The following PCNX2 variants were observed in gnomAD, a reference collection of about 807,000 sequenced individuals.
PCNX2 encodes pecanex-like protein 2.
Under a neutral mutation model 223.8 loss-of-function variants are expected in PCNX2, and 168 were observed. That is an observed-to-expected ratio of 0.75 (90% CI 0.66 to 0.85). PCNX2 has a LOEUF of 0.85. Ranked by LOEUF, PCNX2 falls within the 40% of genes least tolerant of loss-of-function variation. The pLI is 0.00. For synonymous variants in PCNX2, 1,006 were observed against 1,052.6 expected, an observed-to-expected ratio of 0.96 and a Z score of 0.86; for missense variants, 2,507 against 2,675.5, an observed-to-expected ratio of 0.94 and a Z score of 1.39.
chr1:233,303,895 T>C, the PCNX2 span, among the ~76,000 whole-genome samples: 1 of 152,246 alleles, frequency 6.6e-6, no homozygotes. Context: ...TTGTTTCTTA[T>C]AAGCAGCATA....
intron 25 of PCNX2, among the ~76,000 whole-genome samples, chr1:233,033,494 C>A (rs935084984): frequency 2.6e-5 from 4 of 152,156 alleles, no homozygotes; most frequent in Non-Finnish European, 5.9e-5. Context: ...CAAAAACAAA[C>A]TAATTCCTTG....
In PCNX2 at chr1:233,000,252, TCAGA is replaced by T; in HGVS notation, c.5328+49_5328+52del. The T allele has an allele frequency of 6.5e-7, 1 of 1,530,912 alleles. No individual in the cohort carries two copies. Among genetic ancestry groups the T allele is most frequent in the South Asian group, 1.1e-5 (1 of 89,008 alleles). 94.8% of individuals were successfully genotyped at this position (1,530,912 alleles called of 1,614,324 possible). On this transcript the variant is annotated intron_variant, in intron 30 of 33. Coordinates refer to ENST00000258229, the MANE Select transcript of PCNX2 (RefSeq NM_014801.4). The surrounding 1 kb of genome is among the most constrained non-coding windows in gnomAD (Gnocchi z 4.6). ...CTGCCCACCACCATTCTATTTCTTCTCAGATAGAGAGACACGAGCCAACAGGGGA... is the reference window on the plus strand; with the variant it reads ...CTGCCCACCACCATTCTATTTCTTCTTAGAGAGACACGAGCCAACAGGGGA...
chr1:233,034,048 C>T (rs1671360691), intron 25 of PCNX2, among the ~76,000 whole-genome samples: 1 of 152,034 alleles, frequency 6.6e-6, no homozygotes, highest in Admixed American at 6.6e-5. Flanking sequence ...TCCATCTCTA[C>T]TAAAAATACA....
Position 233,250,807 on chromosome 1 carries a change from T to G in PCNX2, c.2154A>C (p.Lys718Asn). Residue 718 changes from lysine to asparagine, a missense_variant, in exon 8 of 34, where the codon AAA becomes AAC. Physicochemically the swap from Lys to Asn is moderately conservative, Grantham distance 94 (BLOSUM62 0). Transcript: ENST00000258229. Reference protein sequence around the residue: ...EHGEIRSCYLKSGNQKEGPLQ... With the variant: ...EHGEIRSCYLNSGNQKEGPLQ... Reference sequence around the variant, plus strand: ...AAGGGCCTTCTTTCTGATTTCCAGATTTTAAATAACAGGATCTAATTTCCC... The same window carrying G: ...AAGGGCCTTCTTTCTGATTTCCAGAGTTTAAATAACAGGATCTAATTTCCC... The G allele has an allele frequency of 6.3e-7, 1 of 1,599,472 alleles. No homozygotes were observed. Among genetic ancestry groups the G allele is most frequent in the Non-Finnish European group, 8.5e-7 (1 of 1,172,270 alleles).
intron 21 of PCNX2, among the ~76,000 whole-genome samples, chr1:233,112,277 G>A (rs2102978222): frequency 6.6e-6 from 1 of 152,328 alleles, no homozygotes; most frequent in South Asian, 2.1e-4. Context: ...GCCAGCACAG[G>A]AAGGCACATG....
chr1:233,142,737 T>A (rs1558275872), intron 19 of PCNX2, among the ~76,000 whole-genome samples: 1 of 152,170 alleles, frequency 6.6e-6, no homozygotes, highest in Non-Finnish European at 1.5e-5. Context: ...TCTTGTGACC[T>A]CCTGATGGTC....
At chr1:233,160,075 A>G (rs1678372364) in intron 19 of PCNX2, among the ~76,000 whole-genome samples, 1 of 152,206 alleles carries the variant, frequency 6.6e-6, no homozygotes, top group South Asian at 2.1e-4. Flanking sequence ...TGGCTAGAAT[A>G]TCTGGGAACA....
chr1:233,207,018 A>AAG (rs1553313348), intron 13 of PCNX2, among the ~76,000 whole-genome samples: 3 of 150,570 alleles, frequency 2.0e-5, no homozygotes, highest in African/African-American at 7.4e-5. Context: ...CAAAAAAAAA[A>AAG]AAGAAGAAGA....
intron 25 of PCNX2, among the ~76,000 whole-genome samples, chr1:233,038,498 C>T (rs2102854463): frequency 6.6e-6 from 1 of 152,326 alleles, no homozygotes; most frequent in African/African-American, 2.4e-5. Flanking sequence ...TCTTCCCAGA[C>T]TTGCTATCTA....
In PCNX2 at chr1:233,139,042, C is replaced by T. The variant is rs559485226; in HGVS notation, c.3659+672G>A. 3.3e-5 allele frequency among the ~76,000 whole-genome samples: 5 copies of T among 152,338 alleles called. No homozygotes were observed. The East Asian group carries it at 9.7e-4, about 29-fold the overall frequency. On this transcript the variant is annotated intron_variant, in intron 20 of 33. Coordinates refer to ENST00000258229, the MANE Select transcript of PCNX2 (RefSeq NM_014801.4). This position sits in a 1 kb window ranked among gnomAD's most constrained non-coding sequence, Gnocchi z 4.4. Reference sequence around the variant, plus strand: ...AATGAGCAAATCTGGGAAAGAATCTCTTTTATATCCTCCTACTCTAACAAC... The same window carrying T: ...AATGAGCAAATCTGGGAAAGAATCTTTTTTATATCCTCCTACTCTAACAAC...
At chr1:233,081,928 C>T (rs1673377468) in intron 23 of PCNX2, among the ~76,000 whole-genome samples, 1 of 152,070 alleles carries the variant, frequency 6.6e-6, no homozygotes, top group African/African-American at 2.4e-5. Context: ...ACACAGGGCT[C>T]TTGTGATGGT....
At chr1:233,309,579 T>C in the PCNX2 span, among the ~76,000 whole-genome samples, 1 of 148,108 alleles carries the variant, frequency 6.8e-6, no homozygotes, top group Non-Finnish European at 1.5e-5. Flanking sequence ...TTAAAAAATA[T>C]ATACAAAACT....
At chr1:233,262,870 G>T in intron 2 of PCNX2, 88 bp downstream of exon 2, 1 of 1,256,522 alleles carries the variant, frequency 8.0e-7, no homozygotes, top group Non-Finnish European at 1.1e-6. Flanking sequence ...GCCTATACTA[G>T]TAATTTCATA....
intron 1 of PCNX2, among the ~76,000 whole-genome samples, chr1:233,277,740 A>G (rs1660988521): frequency 6.6e-6 from 1 of 152,096 alleles, no homozygotes; most frequent in Admixed American, 6.6e-5. Flanking sequence ...CATGGAGGGG[A>G]GTGTGGAGGA....
Position 233,016,943 on chromosome 1 carries a change from T to C in PCNX2, c.4817A>G (p.His1606Arg). The C allele has an allele frequency of 6.2e-7, 1 of 1,610,966 alleles. No homozygotes were observed. Among genetic ancestry groups the C allele is most frequent in the Non-Finnish European group, 8.5e-7 (1 of 1,177,254 alleles). ...TACCTCTTGTCTTTTCCGTGCACAG[T>C]GTTGAATCCATTCTAGATAAACATT... ...FCNVYLEWIQ[H>R]CARKRQEPST... Residue 1606 changes from histidine (H) to arginine (R), a missense_variant, in exon 27 of 34, where the codon CAC becomes CGC. Transcript: ENST00000258229.
rs12059884 is a variant in PCNX2 at position 233,090,102 on chromosome 1, T to C, written c.4035A>G (p.Thr1345=). The C allele has an allele frequency of 0.12, 190,414 of 1,613,524 alleles. 13,523 individuals are homozygous for C. The highest frequency in any genetic ancestry group is 0.3 in the African/African-American group (22,738 of 74,912). Residue 1345 remains threonine, a synonymous_variant, in exon 23 of 34, where the codon ACA becomes ACG. Transcript: ENST00000258229. ...AGAATTTCACTGGCCTGACATATGA[T>C]GTGATGAAAATGACACTCCCAAGAA... ...SPFLGSVIFI[T]SYVRPVKFWE...
chr1:233,296,724 G>A (rs1317110762), upstream of PCNX2, among the ~76,000 whole-genome samples: 1 of 152,168 alleles, frequency 6.6e-6, no homozygotes, highest in Non-Finnish European at 1.5e-5. Flanking sequence ...TACCTGGTCT[G>A]TCCCAACACA....
chr1:233,033,986 G>A (rs1367992080), intron 25 of PCNX2, among the ~76,000 whole-genome samples: 1 of 152,164 alleles, frequency 6.6e-6, no homozygotes, highest in Non-Finnish European at 1.5e-5. Context: ...GGCTGAGGCA[G>A]GTGGATCATG....
chr1:233,155,580 A>G (rs1678071497), intron 19 of PCNX2, among the ~76,000 whole-genome samples: 1 of 152,188 alleles, frequency 6.6e-6, no homozygotes, highest in Admixed American at 6.5e-5. Context: ...ATTGTAATCC[A>G]TTTGTATGGT....
Sources: gnomAD v4.1 joint callset for allele counts (sites outside exome capture counted in the v4.1 genomes callset) on GRCh38, gnomAD v4.1.1 for gene constraint, Gnocchi (gnomAD v3.1) non-coding constraint, MANE v1.5 for transcripts, NCBI Gene and HGNC (gene_info 2026-07-23, HGNC 2026-07-21) for gene names.